The following ITGA9 variants were observed in gnomAD, a reference collection of about 807,000 sequenced individuals.
ITGA9 encodes the protein integrin alpha-9.
In ITGA9, 56 loss-of-function variants were observed where a neutral mutation model predicts 127.8. The ratio of observed to expected loss-of-function variants is 0.44; its 90% confidence interval spans 0.35 to 0.55. The LOEUF (loss-of-function observed/expected upper bound fraction) is 0.55, where lower values mean the gene tolerates loss of function less well. Among genes scored for constraint, ITGA9 ranks in the 20% least tolerant of loss-of-function variants. The pLI, the probability that ITGA9 is intolerant of heterozygous loss-of-function variation, is 0.00. For synonymous variants in ITGA9, 508 were observed against 514.5 expected (o/e 0.99, Z 0.17); for missense variants, 1,196 against 1,347.1 (o/e 0.89, Z 1.76).
chr3:37,731,182 T>A (rs6550503), intron 18 of ITGA9, among the ~76,000 whole-genome samples: 77,956 of 152,036 alleles, frequency 0.51, 20,263 homozygotes, highest in African/African-American at 0.58. Flanking sequence ...AGACTCATGC[T>A]GTGCAATTAG....
intron 27 of ITGA9, among the ~76,000 whole-genome samples, chr3:37,816,076 G>T (rs2125568197): frequency 6.6e-6 from 1 of 152,318 alleles, no homozygotes; most frequent in South Asian, 2.1e-4. Context: ...GCTAGTCTCA[G>T]TGGAGAATCA....
intron 15 of ITGA9, among the ~76,000 whole-genome samples, chr3:37,609,016 T>C (rs1314806652): frequency 1.3e-5 from 2 of 152,162 alleles, no homozygotes; most frequent in Non-Finnish European, 1.5e-5. Context: ...AATGTGTGAC[T>C]CGCCCAAATT....
intron 16 of ITGA9, among the ~76,000 whole-genome samples, chr3:37,630,043 C>T (rs1036803918): frequency 1.3e-5 from 2 of 152,260 alleles, no homozygotes; most frequent in African/African-American, 2.4e-5. Flanking sequence ...GATTCAGAAC[C>T]CTGTGGAAGA....
At chr3:37,710,186 G>T (rs957300498) in intron 18 of ITGA9, among the ~76,000 whole-genome samples, 1 of 152,170 alleles carries the variant, frequency 6.6e-6, no homozygotes, top group African/African-American at 2.4e-5. Flanking sequence ...TGTGGAGCAG[G>T]AATTGTTATT....
chr3:37,712,040 T>C (rs1483658759), intron 18 of ITGA9, among the ~76,000 whole-genome samples: 1 of 151,134 alleles, frequency 6.6e-6, no homozygotes, highest in Admixed American at 6.6e-5. Flanking sequence ...ACGGACAAGT[T>C]CAGTGTTGTA....
chr3:37,505,785 G>A (rs1046481790), intron 6 of ITGA9, among the ~76,000 whole-genome samples: 2 of 152,170 alleles, frequency 1.3e-5, no homozygotes, highest in Admixed American at 6.5e-5. Context: ...CACTCAGAAA[G>A]CCCTCTTTCC....
intron 27 of ITGA9, chr3:37,818,133 T>C (rs1276757448): frequency 1.5e-5 from 2 of 135,974 alleles, no homozygotes; most frequent in Non-Finnish European, 3.0e-5. Context: ...CTGGTTTTTT[T>C]CCCCACCGGA....
intron 27 of ITGA9, among the ~76,000 whole-genome samples, chr3:37,817,230 T>C (rs957103823): frequency 6.6e-6 from 1 of 152,240 alleles, no homozygotes; most frequent in African/African-American, 2.4e-5. Flanking sequence ...ACGTCTTATA[T>C]GTGCATGCAC....
intron 1 of ITGA9, among the ~76,000 whole-genome samples, chr3:37,464,116 AGTGTGTGTGT>A (rs10603611): frequency 0.031 from 4,440 of 144,256 alleles, 92 homozygotes; most frequent in African/African-American, 0.05. Context: ...AGAAGGTGTG[AGTGTGTGTGT>A]GTGTGTGTGT....
At chr3:37,646,578 A>G (rs562732462) in intron 16 of ITGA9, among the ~76,000 whole-genome samples, 1 of 152,312 alleles carries the variant, frequency 6.6e-6, no homozygotes, top group Non-Finnish European at 1.5e-5. Context: ...TTAACTAGGG[A>G]GGAATAAGAG....
intron 15 of ITGA9, among the ~76,000 whole-genome samples, chr3:37,604,834 G>T (rs181219963): frequency 2.6e-5 from 4 of 152,136 alleles, no homozygotes; most frequent in Admixed American, 2.0e-4. Context: ...GTTCAGAGAG[G>T]CTTCCTCTCC....
At chr3:37,538,711 A>G (rs1699237510) in intron 14 of ITGA9, among the ~76,000 whole-genome samples, 1 of 152,176 alleles carries the variant, frequency 6.6e-6, no homozygotes, top group African/African-American at 2.4e-5. Context: ...TAAAACTGCC[A>G]GTTCCGCTCA....
intron 23 of ITGA9, chr3:37,753,730 T>C (rs1048023949): frequency 6.6e-6 from 1 of 152,202 alleles, no homozygotes; most frequent in Non-Finnish European, 1.5e-5. Flanking sequence ...GTACATCGTG[T>C]GTGTGCTGTA....
intron 18 of ITGA9, among the ~76,000 whole-genome samples, chr3:37,704,818 A>C (rs2125674764): frequency 6.6e-6 from 1 of 152,320 alleles, no homozygotes; most frequent in South Asian, 2.1e-4. Context: ...CTAGTTTCCT[A>C]GTGTGCAGAG....
intron 12 of ITGA9, among the ~76,000 whole-genome samples, chr3:37,524,667 G>A (rs577332777): frequency 1.3e-5 from 2 of 152,320 alleles, no homozygotes; most frequent in South Asian, 4.1e-4. Flanking sequence ...GCATCTCGCA[G>A]TGACCCCAGC....
At chr3:37,746,399 TAA>T (rs1455409808) in intron 22 of ITGA9, among the ~76,000 whole-genome samples, 1 of 152,184 alleles carries the variant, frequency 6.6e-6, no homozygotes, top group Admixed American at 6.5e-5. Flanking sequence ...TTCTCGACAA[TAA>T]GAGGCTTTTT....
chr3:37,495,912 A>G (rs1230509625), intron 5 of ITGA9, among the ~76,000 whole-genome samples: 1 of 152,148 alleles, frequency 6.6e-6, no homozygotes, highest in Non-Finnish European at 1.5e-5. Flanking sequence ...GAGGCTTCCC[A>G]GTCCATGGAG....
chr3:37,627,890 T>C (rs1352020081), intron 15 of ITGA9, among the ~76,000 whole-genome samples: 1 of 152,096 alleles, frequency 6.6e-6, no homozygotes, highest in Non-Finnish European at 1.5e-5. Flanking sequence ...TGCAGATGCT[T>C]GGACTGGATG....
At chr3:37,651,293 A>G (rs1700426957) in intron 16 of ITGA9, among the ~76,000 whole-genome samples, 1 of 152,242 alleles carries the variant, frequency 6.6e-6, no homozygotes, top group Non-Finnish European at 1.5e-5. Context: ...ATGAGTCTTT[A>G]CAAAGCAACC....
Sources: allele counts gnomAD v4.1 joint callset (sites outside exome capture counted in the v4.1 genomes callset), GRCh38; gene constraint gnomAD v4.1.1; transcripts MANE v1.5; gene names NCBI Gene and HGNC (gene_info 2026-07-23, HGNC 2026-07-21).